Variants in FER observed in about 807,000 individuals in gnomAD.
FER encodes tyrosine-protein kinase Fer.
FER carries 63 observed loss-of-function variants against 111.0 expected under a neutral mutation model. The observed-to-expected ratio is 0.57, with a 90% CI of 0.46 to 0.70. The LOEUF is 0.70. Among genes scored for constraint, FER ranks in the 30% least tolerant of loss-of-function variants. FER has a pLI of 0.00. For synonymous variants in FER, 327 were observed against 313.9 expected, an observed-to-expected ratio of 1.04 and a Z score of -0.44; for missense variants, 914 against 954.0, an observed-to-expected ratio of 0.96 and a Z score of 0.55.
intron 16 of FER, chr5:109,051,881 G>A (rs1772883809): frequency 1.3e-6 from 2 of 1,557,286 alleles, no homozygotes; most frequent in South Asian, 2.2e-5. Context: ...TCCACCTGAT[G>A]TGGGCAGGGA....
intron 13 of FER, among the ~76,000 whole-genome samples, chr5:109,020,867 A>G (rs892659020): frequency 3.9e-5 from 6 of 151,932 alleles, no homozygotes; most frequent in South Asian, 2.1e-4. Context: ...AATTATCTCA[A>G]TCGTTTTGAA....
At chr5:109,130,595 A>T (rs570209728) in intron 17 of FER, among the ~76,000 whole-genome samples, 3 of 152,294 alleles carry the variant, frequency 2.0e-5, no homozygotes, top group Admixed American at 1.3e-4. Flanking sequence ...TCATTTTAAC[A>T]TGCAATTAGT....
In FER at chr5:108,872,079, C is replaced by T; in HGVS notation, c.804-14C>T. ...TATTTACAATGATCAAAATTATTTG[C>T]CATGCTTTACTAGAACAACGGCTGC... On this transcript the variant is annotated splice_polypyrimidine_tract_variant and intron_variant, in intron 7 of 19. Coordinates refer to ENST00000281092, the MANE Select transcript of FER (RefSeq NM_005246.4). 6.2e-7 allele frequency: 1 copy of T among 1,605,760 alleles called. No homozygotes were observed. Among genetic ancestry groups the T allele is most frequent in the Non-Finnish European group, 8.5e-7 (1 of 1,176,322 alleles).
chr5:108,850,018 C>T (rs572882733), intron 5 of FER, among the ~76,000 whole-genome samples: 71 of 151,994 alleles, frequency 4.7e-4, no homozygotes, highest in South Asian at 2.9e-3. Flanking sequence ...TGTGAAACCC[C>T]GTCTCTACTA....
rs115625945 is a variant in FER, at chr5:108,918,450, G to A, written c.1236+20602G>A. Among the ~76,000 whole-genome samples, 1,512 of 151,534 alleles carry A rather than the reference G, an allele frequency of 1.0e-2. 22 individuals are homozygous for A. Among genetic ancestry groups the A allele is most frequent in the African/African-American group, 0.035 (1,442 of 41,382 alleles). ...TGATTTTATCCAATAATATAATCTA[G>A]ACTTAGAATAATGGGTAGTGGACTG... On this transcript the variant is annotated intron_variant, in intron 10 of 19. Coordinates refer to ENST00000281092, the MANE Select transcript of FER (RefSeq NM_005246.4).
chr5:109,029,568 T>G (rs1296980727), intron 13 of FER, among the ~76,000 whole-genome samples: 1 of 151,932 alleles, frequency 6.6e-6, no homozygotes, highest in African/African-American at 2.4e-5. Context: ...CAGCCTTGTT[T>G]TCCATTCATT....
chr5:108,782,881 C>G (rs970951633), intron 2 of FER: 1 of 152,168 alleles, frequency 6.6e-6, no homozygotes, highest in Non-Finnish European at 1.5e-5. Context: ...TATTCTTCTT[C>G]TATTGAATTA....
chr5:108,872,035 A>G, intron 7 of FER, 58 bp from the exon 8 acceptor site: 1 of 1,512,876 alleles, frequency 6.6e-7, no homozygotes, highest in Non-Finnish European at 8.9e-7. Flanking sequence ...AGTGTATATG[A>G]AGATATATTA....
chr5:108,949,863 TA>T (rs142800858), intron 11 of FER, among the ~76,000 whole-genome samples: 37,687 of 151,796 alleles, frequency 0.25, 4,980 homozygotes, highest in African/African-American at 0.35. Flanking sequence ...TGATACTGAA[TA>T]AAATGAAACT....
chr5:109,041,787 T>C (rs1246707665), intron 14 of FER, among the ~76,000 whole-genome samples: 1 of 152,156 alleles, frequency 6.6e-6, no homozygotes, highest in Non-Finnish European at 1.5e-5. Context: ...GTGGGTAATA[T>C]AATTGAGTGA....
chr5:109,037,621 A>G, intron 14 of FER, 143 bp downstream of exon 14: 1 of 569,938 alleles, frequency 1.8e-6, no homozygotes, highest in Non-Finnish European at 3.1e-6. Flanking sequence ...ATATCTTCTC[A>G]ATATTGTGAT....
At chr5:109,018,562 G>A (rs1767502772) in intron 13 of FER, among the ~76,000 whole-genome samples, 1 of 151,716 alleles carries the variant, frequency 6.6e-6, no homozygotes, top group African/African-American at 2.4e-5. Context: ...TGTGTAGAAT[G>A]GTTAAATTAC....
At chr5:108,873,613 C>A (rs1170930110) in intron 8 of FER, among the ~76,000 whole-genome samples, 1 of 152,118 alleles carries the variant, frequency 6.6e-6, no homozygotes, top group East Asian at 1.9e-4. Flanking sequence ...TCCTAGCAGC[C>A]TTATTGGGAT....
intron 9 of FER, among the ~76,000 whole-genome samples, chr5:108,895,995 C>T (rs1459320055): frequency 6.6e-6 from 1 of 151,942 alleles, no homozygotes; most frequent in Non-Finnish European, 1.5e-5. Context: ...AACAATACTA[C>T]TTTAGAGTAT....
intron 13 of FER, among the ~76,000 whole-genome samples, chr5:108,968,523 A>G (rs986467021): frequency 2.6e-5 from 4 of 152,218 alleles, no homozygotes; most frequent in African/African-American, 9.6e-5. Flanking sequence ...GTTAATTAAT[A>G]TAGCCAAAAC....
rs575884219 is a variant in FER, at chr5:109,167,486, C to T, written c.2049-13261C>T. Among the ~76,000 whole-genome samples the T allele has an allele frequency of 5.9e-5, 9 of 152,254 alleles. No individual in the cohort carries two copies. The South Asian group carries it at 1.0e-3, about 18-fold the overall frequency. On this transcript the variant is annotated intron_variant, in intron 17 of 19. Transcript: ENST00000281092. ...ACCAGAAATGATCATCTCTTTTCTACACCATCATTGTCAAATATGTTGGAC... is the reference window on the plus strand; with the variant it reads ...ACCAGAAATGATCATCTCTTTTCTATACCATCATTGTCAAATATGTTGGAC...
chr5:109,147,615 T>C (rs1274617216), intron 17 of FER, among the ~76,000 whole-genome samples: 1 of 152,016 alleles, frequency 6.6e-6, no homozygotes, highest in Non-Finnish European at 1.5e-5. Flanking sequence ...TTATAAATCC[T>C]GTGCCATAAG....
intron 9 of FER, chr5:108,894,237 A>G (rs1022988508): frequency 2.6e-5 from 8 of 308,774 alleles, no homozygotes; most frequent in Non-Finnish European, 4.6e-5. Context: ...CAAAACGATC[A>G]TTAGTAAACA....
At chr5:108,877,638 A>G (rs1056836469) in intron 8 of FER, among the ~76,000 whole-genome samples, 3 of 152,224 alleles carry the variant, frequency 2.0e-5, no homozygotes, top group Non-Finnish European at 4.4e-5. Flanking sequence ...ATAGAGAAAA[A>G]GAGATGCCAG....
Sources: gnomAD v4.1 joint callset for allele counts (sites outside exome capture counted in the v4.1 genomes callset) on GRCh38, gnomAD v4.1.1 for gene constraint, MANE v1.5 for transcripts, NCBI Gene and HGNC (gene_info 2026-07-23, HGNC 2026-07-21) for gene names.